PLEKHA7: variants seen among roughly 807,000 people sequenced by gnomAD.
PLEKHA7 encodes the protein pleckstrin homology domain containing A7.
Under a neutral mutation model 170.0 loss-of-function variants are expected in PLEKHA7, and 104 were observed. That is an observed-to-expected ratio of 0.61 (90% CI 0.52 to 0.72). PLEKHA7 has a LOEUF of 0.72. Among genes scored for constraint, PLEKHA7 ranks in the 30% least tolerant of loss-of-function variants. The pLI, the probability that PLEKHA7 is intolerant of heterozygous loss-of-function variation, is 0.00. For missense variants in PLEKHA7, 1,615 were observed against 1,671.7 expected (o/e 0.97, Z 0.59); for synonymous variants, 648 against 660.8 (o/e 0.98, Z 0.30).
intron 3 of PLEKHA7, among the ~76,000 whole-genome samples, chr11:16,895,844 T>G (rs940675131): frequency 6.6e-6 from 1 of 152,220 alleles, no homozygotes; most frequent in Admixed American, 6.5e-5. Context: ...CTACTTCTCC[T>G]TAGCCTCATG....
In PLEKHA7 at chr11:16,851,180, A is replaced by G. The variant is rs1405720524; in HGVS notation, c.696+11T>C. ...GACAGAATGGCTGCATTAGAGGTGC[A>G]GGGGCAGTACCTTAAAGGAATATTT... On this transcript the variant is annotated intron_variant, in intron 8 of 26. Transcript: ENST00000531066. 8 of 1,586,364 alleles carry G rather than the reference A, an allele frequency of 5.0e-6. No homozygotes were observed. Among genetic ancestry groups the G allele is most frequent in the Non-Finnish European group, 6.9e-6 (8 of 1,163,810 alleles).
chr11:16,782,148 T>C (rs892147581), intron 26 of PLEKHA7, among the ~76,000 whole-genome samples: 6 of 146,164 alleles, frequency 4.1e-5, no homozygotes, highest in African/African-American at 1.0e-4. Flanking sequence ...TAGACACACA[T>C]TGAGACACAC....
chr11:16,871,272 G>C lies in PLEKHA7; in HGVS notation c.222-90C>G, dbSNP rs1241769445. On this transcript the variant is annotated intron_variant, in intron 3 of 26. Coordinates refer to ENST00000531066, the MANE Select transcript of PLEKHA7 (RefSeq NM_001329630.2). ...TCAGTCAGCAATGTCTGGTGACCCT[G>C]GTCATCAAAGATTTCACAGGGGGAG... The C allele has an allele frequency of 1.6e-5, 16 of 998,862 alleles. No homozygotes were observed. In the East Asian group the frequency reaches 4.1e-4, roughly 26 times the overall value. The allele number at this position is 998,862 out of a possible 1,614,324, so 61.9% of individuals were successfully genotyped here. A position where few individuals can be genotyped will look rare whatever the true frequency, so the allele number is the denominator to read the frequency against.
chr11:16,857,713 T>C (rs1405229768), intron 4 of PLEKHA7, among the ~76,000 whole-genome samples: 1 of 151,876 alleles, frequency 6.6e-6, no homozygotes, highest in East Asian at 1.9e-4. Context: ...TTTGAATTTG[T>C]TTGTTTGTTT....
chr11:16,801,251 GCT>G (rs921913055), intron 16 of PLEKHA7, among the ~76,000 whole-genome samples, 176 bp from the exon 17 acceptor site: 88 of 152,320 alleles, frequency 5.8e-4, no homozygotes, highest in African/African-American at 1.9e-3. Context: ...TCTCATTTGT[GCT>G]CTGACCCTGG....
chr11:16,894,671 G>T (rs1264529245), intron 3 of PLEKHA7, among the ~76,000 whole-genome samples: 1 of 152,112 alleles, frequency 6.6e-6, no homozygotes, highest in African/African-American at 2.4e-5. Context: ...AAGGGTACAT[G>T]TTCTTGTTGG....
chr11:16,863,711 T>A (rs1047603647), intron 4 of PLEKHA7, among the ~76,000 whole-genome samples: 3 of 151,892 alleles, frequency 2.0e-5, no homozygotes, highest in African/African-American at 7.3e-5. Flanking sequence ...GAGAAAACAC[T>A]CCTGTACACG....
chr11:16,963,226 A>G (rs1862174109), intron 3 of PLEKHA7, among the ~76,000 whole-genome samples: 1 of 152,058 alleles, frequency 6.6e-6, no homozygotes, highest in Admixed American at 6.5e-5. Context: ...ACCTATAACC[A>G]TATTTGGTAT....
In PLEKHA7 at chr11:16,799,404, T is replaced by C. The variant is rs1285504852; in HGVS notation, c.2409+1570A>G. Among the ~76,000 whole-genome samples, 6 of 152,114 alleles carry C rather than the reference T, an allele frequency of 3.9e-5. No individual in the cohort carries two copies. The East Asian group carries it at 5.8e-4, about 15-fold the overall frequency. ...CACTGATGACACATAGGGAGGGTGA[T>C]GGGAGGGGCAGAAAGGGAGAGGGGG... On this transcript the variant is annotated intron_variant, in intron 17 of 26. Transcript: ENST00000531066.
At chr11:16,922,512 G>A (rs927946250) in intron 3 of PLEKHA7, among the ~76,000 whole-genome samples, 6 of 152,158 alleles carry the variant, frequency 3.9e-5, no homozygotes, top group Non-Finnish European at 7.3e-5. Context: ...TCATTCCTGG[G>A]TACTCACAGG....
chr11:16,920,878 C>T (rs1859037347), intron 3 of PLEKHA7, among the ~76,000 whole-genome samples: 1 of 152,232 alleles, frequency 6.6e-6, no homozygotes, highest in Non-Finnish European at 1.5e-5. Flanking sequence ...TTATTCCAAA[C>T]CAGACCTGTA....
chr11:16,958,547 T>C lies in PLEKHA7; in HGVS notation c.221+55442A>G, dbSNP rs555249983. ...GATTAACTCTGGATGGAGGAATAATTAGTATAGTTTTTACTTTCCATCTCT... is the reference window on the plus strand; with the variant it reads ...GATTAACTCTGGATGGAGGAATAATCAGTATAGTTTTTACTTTCCATCTCT... On this transcript the variant is annotated intron_variant, in intron 3 of 26. Transcript: ENST00000531066. Among the ~76,000 whole-genome samples the C allele has an allele frequency of 5.9e-5, 9 of 152,306 alleles. No homozygotes were observed. In the South Asian group the frequency reaches 1.7e-3, roughly 28 times the overall value.
chr11:16,976,903 C>T (rs765087069), intron 3 of PLEKHA7, among the ~76,000 whole-genome samples: 5 of 152,170 alleles, frequency 3.3e-5, no homozygotes, highest in African/African-American at 4.8e-5. Context: ...GATGCATACA[C>T]GTATGCTTGC....
intron 3 of PLEKHA7, among the ~76,000 whole-genome samples, chr11:16,975,927 C>T (rs1166481467): frequency 6.6e-6 from 1 of 152,210 alleles, no homozygotes; most frequent in Admixed American, 6.5e-5. Flanking sequence ...GTGTGTGGGT[C>T]CCCATTCTAG....
intron 21 of PLEKHA7, 91 bp downstream of exon 21, chr11:16,790,707 G>A (rs1847778760): frequency 7.6e-7 from 1 of 1,316,706 alleles, no homozygotes; most frequent in African/African-American, 1.5e-5. Flanking sequence ...TAGGCCTAGA[G>A]CTGCAGGCAG....
intron 23 of PLEKHA7, chr11:16,788,722 T>G: frequency 3.3e-6 from 1 of 306,632 alleles, no homozygotes; most frequent in Non-Finnish European, 6.3e-6. Context: ...TCAGTTTGCT[T>G]GTGCTTCTAA....
chr11:16,850,516 A>T (rs1472860903), intron 8 of PLEKHA7, among the ~76,000 whole-genome samples: 3 of 152,180 alleles, frequency 2.0e-5, no homozygotes, highest in Non-Finnish European at 4.4e-5. Context: ...ACCAATGGAG[A>T]AGACCTCAGG....
At chr11:16,922,190 C>T (rs1305499317) in intron 3 of PLEKHA7, among the ~76,000 whole-genome samples, 1 of 85,864 alleles carries the variant, frequency 1.2e-5, no homozygotes, top group African/African-American at 3.7e-5. Context: ...TTATTTTCTA[C>T]ATTTAAAAAA....
At chr11:16,827,212 G>A (rs1288778559) in intron 9 of PLEKHA7, among the ~76,000 whole-genome samples, 4 of 152,282 alleles carry the variant, frequency 2.6e-5, no homozygotes, top group Admixed American at 6.5e-5. Context: ...CAAAGATGGC[G>A]AATAGAGAAC....
Sources: allele counts gnomAD v4.1 joint callset (sites outside exome capture counted in the v4.1 genomes callset), GRCh38; gene constraint gnomAD v4.1.1; transcripts MANE v1.5; gene names NCBI Gene and HGNC (gene_info 2026-07-23, HGNC 2026-07-21).